The following NPTN variants were observed in gnomAD, a reference collection of about 807,000 sequenced individuals.
The protein encoded by NPTN is SDR-1.
In NPTN, 5 loss-of-function variants were observed where a neutral mutation model predicts 42.7. The ratio of observed to expected loss-of-function variants is 0.12; its 90% CI spans 0.06 to 0.25. The LOEUF is 0.25. Ranked by LOEUF, NPTN falls within the 10% of genes least tolerant of loss-of-function variation. The probability of loss-of-function intolerance (pLI) is 1.00; values close to 1 mark genes in which losing one functional copy is unlikely to be tolerated. For missense variants in NPTN, 307 were observed against 525.4 expected (o/e 0.58, Z 4.06); for synonymous variants, 180 against 201.9 (o/e 0.89, Z 0.92).
At position 73,569,779 on chromosome 15, in the gene NPTN, TCTC is replaced by T; in HGVS notation, c.1114+368_1114+370del. On this transcript the variant is annotated intron_variant, in intron 6 of 8. Transcript: ENST00000345330. The surrounding 1 kb of genome is among the most constrained non-coding windows in gnomAD (Gnocchi z 4.1). ...GGTGGCTTCTAGGCTTGACTTGGAT[TCTC>T]CTCAAGCTCAATCTGCCTGATGATC... 2 of 985,174 alleles carry T rather than the reference TCTC, an allele frequency of 2.0e-6. No homozygotes were observed. Among genetic ancestry groups the T allele is most frequent in the Non-Finnish European group, 2.4e-6 (2 of 829,880 alleles). The allele number at this position is 985,174 out of a possible 1,614,324, so 61.0% of individuals were successfully genotyped here.
At chr15:73,589,604 T>C (rs188698568) in intron 3 of NPTN, among the ~76,000 whole-genome samples, 1 of 152,230 alleles carries the variant, frequency 6.6e-6, no homozygotes, top group East Asian at 2.0e-4. Flanking sequence ...TAAAATATGA[T>C]ACTTGTGATG....
intron 1 of NPTN, among the ~76,000 whole-genome samples, chr15:73,603,606 T>A (rs1220907234): frequency 6.6e-6 from 1 of 152,218 alleles, no homozygotes; most frequent in Non-Finnish European, 1.5e-5. Context: ...TAAGATATTA[T>A]GAATAATCTG....
chr15:73,616,723 G>C (rs1425029470), intron 1 of NPTN, among the ~76,000 whole-genome samples: 2 of 152,174 alleles, frequency 1.3e-5, no homozygotes, highest in Non-Finnish European at 2.9e-5. Flanking sequence ...GTGAGGTAGA[G>C]AGTCAGGTTA....
rs889730805 is a variant in NPTN at position 73,569,574 on chromosome 15, G to A, written c.1114+576C>T. On this transcript the variant is annotated intron_variant, in intron 6 of 8. Transcript: ENST00000345330. The surrounding 1 kb of genome is among the most constrained non-coding windows in gnomAD (Gnocchi z 4.1). ...GATGGAAAGCCACCCAGCAGAGAGC[G>A]CTGGAAACCTATCAAAGGGACCAAC... is the stretch of plus-strand genomic sequence containing the variant. The A allele has an allele frequency of 9.1e-6, 9 of 985,320 alleles. No homozygotes were observed. Among genetic ancestry groups the A allele is most frequent in the East Asian group, 1.1e-4 (1 of 8,828 alleles). The allele number at this position is 985,320 out of a possible 1,614,324, so 61.0% of individuals were successfully genotyped here. A position where few individuals can be genotyped will look rare whatever the true frequency, so the allele number is the denominator to read the frequency against.
chr15:73,593,364 C>A (rs1210627387), intron 2 of NPTN, among the ~76,000 whole-genome samples: 1 of 152,200 alleles, frequency 6.6e-6, no homozygotes, highest in Non-Finnish European at 1.5e-5. Context: ...GAAGTCTACA[C>A]TAACCATCTT....
rs75853886 is a variant in NPTN, at chr15:73,621,778, C to A, written c.91+11347G>T. 5.8e-3 allele frequency among the ~76,000 whole-genome samples: 887 copies of A among 152,110 alleles called. 6 individuals carry two copies. The highest frequency in any genetic ancestry group is 0.02 in the African/African-American group (845 of 41,480). On this transcript the variant is annotated intron_variant, in intron 1 of 8. Coordinates refer to ENST00000345330, the MANE Select transcript of NPTN (RefSeq NM_012428.4). ...TACTTTTAGTACTTTTTAAAATTAC[C>A]TTAAATATATTTCAAATAAATATGG... is the stretch of plus-strand genomic sequence containing the variant.
Position 73,592,083 on chromosome 15 carries a change from G to C in NPTN, c.494C>G (p.Pro165Arg). The C allele has an allele frequency of 6.2e-7, 1 of 1,614,038 alleles. No homozygotes were observed. The highest frequency in any genetic ancestry group is 1.3e-5 in the African/African-American group (1 of 75,024). ...EVIIRDSPVL[P>R]VTLQCNLTSS... ...GGTGAGGTTACACTGCAGGGTGACA[G>C]GGAGAACAGGGCTGTCTCGAATAAT... The change falls in exon 3 of 9, where the codon CCT becomes CGT. Residue 165 changes from proline to arginine, a missense_variant. By Grantham distance (103) the Pro-to-Arg change is moderately radical. This residue lies in a region of NPTN where 264 missense variants were observed against 491.1 expected (regional missense o/e 0.54). Transcript: ENST00000345330.
At chr15:73,582,545 G>C (rs1896102768) in intron 4 of NPTN, among the ~76,000 whole-genome samples, 1 of 152,170 alleles carries the variant, frequency 6.6e-6, no homozygotes, top group South Asian at 2.1e-4. Context: ...CTGTGTAAGA[G>C]GTGTAGAAGT....
chr15:73,563,412 C>A, intron 6 of NPTN, 155 bp from the exon 7 acceptor site: 1 of 1,440,070 alleles, frequency 6.9e-7, no homozygotes. Flanking sequence ...TCTGGAGGTG[C>A]AAAACACTCA....
chr15:73,625,566 C>T (rs1898361225), intron 1 of NPTN, among the ~76,000 whole-genome samples: 1 of 152,040 alleles, frequency 6.6e-6, no homozygotes, highest in Admixed American at 6.6e-5. Flanking sequence ...CTCCTGACCT[C>T]GTGATCCGCC....
At chr15:73,610,093 T>C (rs112801975) in intron 1 of NPTN, among the ~76,000 whole-genome samples, 5,611 of 152,090 alleles carry the variant, frequency 0.037, 165 homozygotes, top group African/African-American at 0.077. Context: ...ACTTTTTTTT[T>C]TCTTTTTTTA....
At chr15:73,575,377 A>G (rs1895633383) in intron 4 of NPTN, among the ~76,000 whole-genome samples, 2 of 152,358 alleles carry the variant, frequency 1.3e-5, no homozygotes, top group South Asian at 2.1e-4. Flanking sequence ...TCAGCCTCCC[A>G]AAGTGTTGGG....
chr15:73,602,979 T>C (rs1227804597), intron 1 of NPTN, among the ~76,000 whole-genome samples: 2 of 152,198 alleles, frequency 1.3e-5, no homozygotes, highest in Non-Finnish European at 2.9e-5. Flanking sequence ...CCTTCTGCTT[T>C]GGAAAAATAG....
intron 8 of NPTN, 72 bp downstream of exon 8, chr15:73,561,824 T>G: frequency 8.8e-7 from 1 of 1,130,088 alleles, no homozygotes; most frequent in Non-Finnish European, 1.3e-6. Context: ...ACTGAAGAAT[T>G]TGTAACAAGG....
Position 73,592,038 on chromosome 15 carries a change from G to C in NPTN, c.539C>G (p.Thr180Arg), listed in dbSNP as rs777106933. 1 of 1,614,132 alleles carries C rather than the reference G, an allele frequency of 6.2e-7. No individual in the cohort carries two copies. The highest frequency in any genetic ancestry group is 8.5e-7 in the Non-Finnish European group (1 of 1,179,998). The change falls in exon 3 of 9, where the codon ACA becomes AGA. Residue 180 changes from threonine (T) to arginine (R), a missense_variant. By Grantham distance (71) the Thr-to-Arg change is moderately conservative. This residue lies in a region of NPTN where 264 missense variants were observed against 491.1 expected (regional missense o/e 0.54). Transcript: ENST00000345330. ...CCCATTCTTTGTCCAGTAGCTGTAT[G>C]TAAGGGTGTGAGAGCTGGAGGTGAG... ...CNLTSSSHTLTYSYWTKNGVE... is the reference protein window; with the variant it reads ...CNLTSSSHTLRYSYWTKNGVE...
intron 8 of NPTN, 52 bp downstream of exon 8, chr15:73,561,844 G>T: frequency 1.6e-6 from 2 of 1,269,682 alleles, no homozygotes; most frequent in Non-Finnish European, 2.3e-6. Flanking sequence ...GTCAATAGAG[G>T]CACATTCATT....
chr15:73,578,020 C>T (rs951184774), intron 4 of NPTN, among the ~76,000 whole-genome samples: 1 of 151,936 alleles, frequency 6.6e-6, no homozygotes, highest in South Asian at 2.1e-4. Flanking sequence ...CACTCTAGGT[C>T]GAGGGAAATG....
At chr15:73,605,550 G>A (rs1239396022) in intron 1 of NPTN, among the ~76,000 whole-genome samples, 1 of 151,762 alleles carries the variant, frequency 6.6e-6, no homozygotes, top group African/African-American at 2.4e-5. Flanking sequence ...ACGACATGAA[G>A]AAAACTCGTC....
At chr15:73,579,872 G>A (rs772395786) in intron 4 of NPTN, among the ~76,000 whole-genome samples, 16 of 152,076 alleles carry the variant, frequency 1.1e-4, no homozygotes, top group Non-Finnish European at 1.9e-4. Flanking sequence ...CCAACAGCTT[G>A]ACCAAAATCT....
Sources: allele counts gnomAD v4.1 joint callset (sites outside exome capture counted in the v4.1 genomes callset), GRCh38; gene constraint gnomAD v4.1.1; regional missense constraint gnomAD v4.1.1; non-coding constraint Gnocchi (gnomAD v3.1); transcripts MANE v1.5; gene names NCBI Gene and HGNC (gene_info 2026-07-23, HGNC 2026-07-21).